Variants in RBFOX1 observed in about 807,000 individuals in gnomAD.
The protein encoded by RBFOX1 is RNA binding protein fox-1 homolog 1.
A neutral mutation model predicts 57.7 loss-of-function variants in RBFOX1; 8 were observed. That is an observed-to-expected ratio of 0.14 (90% CI 0.08 to 0.25). The LOEUF is 0.25. Among genes scored for constraint, RBFOX1 ranks in the 10% least tolerant of loss-of-function variants. The pLI is 1.00. For missense variants in RBFOX1, 611 were observed against 548.5 expected (o/e 1.11, Z -1.14); for synonymous variants, 326 against 222.4 (o/e 1.47, Z -4.15).
At chr16:6,976,140 A>C (rs910187519) in intron 3 of RBFOX1, among the ~76,000 whole-genome samples, 4 of 51,738 alleles carry the variant, frequency 7.7e-5, no homozygotes, top group African/African-American at 1.4e-4. Context: ...AAGGAAAAAG[A>C]AACAAACAAA....
chr16:6,961,839 C>T (rs1383632365), intron 3 of RBFOX1, among the ~76,000 whole-genome samples: 1 of 152,104 alleles, frequency 6.6e-6, no homozygotes, highest in African/African-American at 2.4e-5. Flanking sequence ...GAGAGCAAAC[C>T]AGAAGTCACT....
chr16:5,943,769 T>G (rs1310209170), intron 4 of RBFOX1, among the ~76,000 whole-genome samples: 2 of 152,084 alleles, frequency 1.3e-5, no homozygotes, highest in Admixed American at 1.3e-4. Context: ...TCCAAAAGAT[T>G]ACCATTCACA....
At chr16:5,867,425 T>C (rs2057369047) in intron 4 of RBFOX1, 1 of 868,020 alleles carries the variant, frequency 1.2e-6, no homozygotes, top group Admixed American at 4.3e-5. Flanking sequence ...TAGCAATGAT[T>C]CTTCCGTGTT....
At chr16:7,574,054 A>C (rs17144139) in intron 5 of RBFOX1, among the ~76,000 whole-genome samples, 16,939 of 152,212 alleles carry the variant, frequency 0.11, 1,595 homozygotes, top group African/African-American at 0.25. Context: ...CATAACGTTC[A>C]GCAAGCTTCT....
intron 4 of RBFOX1, among the ~76,000 whole-genome samples, chr16:5,880,755 T>A (rs920233744): frequency 2.0e-5 from 3 of 152,156 alleles, no homozygotes. Context: ...CAGGCCTCCT[T>A]GCAGAATAAA....
chr16:6,919,291 G>T (rs936891142), intron 3 of RBFOX1, among the ~76,000 whole-genome samples: 6 of 152,040 alleles, frequency 3.9e-5, no homozygotes, highest in African/African-American at 1.4e-4. Context: ...CCTGGCCCAA[G>T]AGGTAATGTT....
intron 4 of RBFOX1, among the ~76,000 whole-genome samples, chr16:7,302,100 C>T (rs927829641): frequency 3.3e-5 from 5 of 152,068 alleles, no homozygotes; most frequent in East Asian, 1.9e-4. Context: ...TTTCCCACTC[C>T]CCTGGATGAA....
chr16:7,312,047 C>G (rs1226469990), intron 4 of RBFOX1, among the ~76,000 whole-genome samples: 2 of 152,158 alleles, frequency 1.3e-5, no homozygotes, highest in African/African-American at 4.8e-5. Context: ...TAGCTCAGTG[C>G]CTGGGGTGCA....
At chr16:6,065,590 C>A (rs539964052) in intron 1 of RBFOX1, among the ~76,000 whole-genome samples, 4 of 152,274 alleles carry the variant, frequency 2.6e-5, no homozygotes, top group African/African-American at 9.6e-5. Flanking sequence ...TTAGCAGATA[C>A]AGAAACAAAT....
intron 4 of RBFOX1, among the ~76,000 whole-genome samples, chr16:5,970,331 T>C (rs1381957954): frequency 6.6e-6 from 1 of 152,162 alleles, no homozygotes; most frequent in African/African-American, 2.4e-5. Context: ...GCCATCATTC[T>C]TCCAGAATTC....
chr16:6,186,208 TC>T (rs2097104191), intron 1 of RBFOX1, among the ~76,000 whole-genome samples: 1 of 152,148 alleles, frequency 6.6e-6, no homozygotes, highest in Admixed American at 6.6e-5. Flanking sequence ...CCTGGGTTCG[TC>T]ATCATCAGTC....
At chr16:5,476,287 TA>T (rs2069320249) in intron 2 of RBFOX1, among the ~76,000 whole-genome samples, 2 of 152,232 alleles carry the variant, frequency 1.3e-5, no homozygotes, top group Admixed American at 1.3e-4. Context: ...ACTTGTCAAT[TA>T]AAAAAATAAT....
chr16:6,059,643 C>T (rs1295167991), intron 1 of RBFOX1, among the ~76,000 whole-genome samples: 1 of 152,006 alleles, frequency 6.6e-6, no homozygotes, highest in Non-Finnish European at 1.5e-5. Context: ...TGAGGTTATT[C>T]AAACTGAGCA....
At chr16:6,105,796 G>A (rs539623832) in intron 1 of RBFOX1, among the ~76,000 whole-genome samples, 3 of 152,064 alleles carry the variant, frequency 2.0e-5, no homozygotes, top group Non-Finnish European at 2.9e-5. Flanking sequence ...ATGTATGTGA[G>A]AACTCAGGCA....
chr16:5,944,538 C>G (rs139213552), intron 4 of RBFOX1, among the ~76,000 whole-genome samples: 3 of 151,852 alleles, frequency 2.0e-5, no homozygotes, highest in Admixed American at 6.6e-5. Context: ...CTGCAAATCC[C>G]GAGTTGGTCC....
At chr16:6,130,636 G>A (rs972781946) in intron 1 of RBFOX1, among the ~76,000 whole-genome samples, 3 of 152,136 alleles carry the variant, frequency 2.0e-5, no homozygotes, top group Non-Finnish European at 4.4e-5. Context: ...CAAGAGACTC[G>A]TCTTAAATAC....
intron 2 of RBFOX1, among the ~76,000 whole-genome samples, chr16:6,526,464 C>G (rs4453492): frequency 0.29 from 44,554 of 152,012 alleles, 6,962 homozygotes; most frequent in East Asian, 0.42. Flanking sequence ...GTCATTCATG[C>G]TACAGCAATA....
chr16:6,948,026 G>A (rs1246613293), intron 3 of RBFOX1, among the ~76,000 whole-genome samples: 1 of 152,136 alleles, frequency 6.6e-6, no homozygotes, highest in East Asian at 1.9e-4. Flanking sequence ...CAGTCCAGCT[G>A]CCTTCACCTC....
Position 5,977,038 on chromosome 16 carries a change from TCACAGAC to T in RBFOX1, c.351+109704_351+109710del, listed in dbSNP as rs571393721. Among the ~76,000 whole-genome samples, 60 of 152,200 alleles carry T rather than the reference TCACAGAC, an allele frequency of 3.9e-4. No individual in the cohort carries two copies. The East Asian group carries it at 6.8e-3, about 17-fold the overall frequency. ...GGGAGGGGATGGGTAGGAACACAGA[TCACAGAC>T]ACAGGGCATCAGAATCTCCTGTCTC... On this transcript the variant is annotated intron_variant, in intron 4 of 19. Coordinates refer to the RBFOX1 transcript ENST00000641259.
Sources: gnomAD v4.1 joint callset for allele counts (sites outside exome capture counted in the v4.1 genomes callset) on GRCh38, gnomAD v4.1.1 for gene constraint, MANE v1.5 for transcripts, NCBI Gene and HGNC (gene_info 2026-07-23, HGNC 2026-07-21) for gene names.